DGKB: variants seen among roughly 807,000 people sequenced by gnomAD.
DGKB encodes the protein diacylglycerol kinase beta.
DGKB carries 67 observed loss-of-function variants against 114.3 expected under a neutral mutation model. The observed-to-expected ratio is 0.59, with a 90% CI of 0.48 to 0.72. The LOEUF is 0.72. Ranked by LOEUF, DGKB falls within the 30% of genes least tolerant of loss-of-function variation. The probability of loss-of-function intolerance (pLI) is 0.00; values close to 1 mark genes in which losing one functional copy is unlikely to be tolerated. For missense variants in DGKB, 907 were observed against 975.2 expected (o/e 0.93, Z 0.93); for synonymous variants, 398 against 323.1 (o/e 1.23, Z -2.49).
chr7:14,817,155 G>A (rs2128094453), intron 2 of DGKB, among the ~76,000 whole-genome samples: 1 of 152,074 alleles, frequency 6.6e-6, no homozygotes, highest in East Asian at 1.9e-4. Flanking sequence ...TCTTCCTCGG[G>A]GATCTTGACT....
At chr7:14,790,632 A>C (rs1840538762) in intron 2 of DGKB, among the ~76,000 whole-genome samples, 1 of 152,030 alleles carries the variant, frequency 6.6e-6, no homozygotes, top group African/African-American at 2.4e-5. Flanking sequence ...TTATGGGTTT[A>C]TTTTAGGGTT....
intron 21 of DGKB, among the ~76,000 whole-genome samples, chr7:14,376,798 T>TA (rs1818552501): frequency 6.6e-6 from 1 of 152,176 alleles, no homozygotes; most frequent in South Asian, 2.1e-4. Context: ...GGTGCCTAGA[T>TA]ATTTCCACAG....
At chr7:14,469,308 G>C (rs2128883672) in intron 21 of DGKB, among the ~76,000 whole-genome samples, 1 of 152,164 alleles carries the variant, frequency 6.6e-6, no homozygotes, top group Non-Finnish European at 1.5e-5. Flanking sequence ...AATGTTTGCA[G>C]ACAAAGGAAA....
At chr7:14,582,095 T>A (rs979496291) in intron 18 of DGKB, among the ~76,000 whole-genome samples, 4 of 152,322 alleles carry the variant, frequency 2.6e-5, no homozygotes, top group Non-Finnish European at 4.4e-5. Flanking sequence ...TAAATAGGTG[T>A]CTGTTTCAAT....
intron 1 of DGKB, among the ~76,000 whole-genome samples, chr7:14,926,537 G>A (rs1784763042): frequency 6.6e-6 from 1 of 150,406 alleles, no homozygotes. Context: ...GATCTGTGAA[G>A]AATAAGCTTC....
chr7:14,315,731 G>A (rs1278732772), intron 23 of DGKB, among the ~76,000 whole-genome samples: 1 of 151,004 alleles, frequency 6.6e-6, no homozygotes, highest in Non-Finnish European at 1.5e-5. Flanking sequence ...CAACGGGACA[G>A]AAAGTCAACA....
chr7:14,205,705 G>A (rs117695698), intron 23 of DGKB, among the ~76,000 whole-genome samples: 7 of 151,972 alleles, frequency 4.6e-5, no homozygotes, highest in Non-Finnish European at 8.8e-5. Flanking sequence ...TGCCCAGTGT[G>A]CTTCATTTCT....
intron 21 of DGKB, among the ~76,000 whole-genome samples, chr7:14,474,646 CCTTT>C (rs1223145016): frequency 1.3e-5 from 2 of 151,628 alleles, no homozygotes; most frequent in Non-Finnish European, 1.5e-5. Flanking sequence ...TTATTAATAT[CCTTT>C]TTTTCAAAAA....
chr7:14,203,865 G>A (rs1786316576), intron 23 of DGKB, among the ~76,000 whole-genome samples: 1 of 151,834 alleles, frequency 6.6e-6, no homozygotes, highest in South Asian at 2.1e-4. Flanking sequence ...GCAGATGTGG[G>A]GCAAAGAAAA....
chr7:14,929,192 A>G (rs1166058060), intron 1 of DGKB, among the ~76,000 whole-genome samples: 1 of 152,136 alleles, frequency 6.6e-6, no homozygotes, highest in Non-Finnish European at 1.5e-5. Context: ...TGTCATCAAC[A>G]TATGAGTGCA....
At chr7:14,376,440 A>G (rs1415601293) in intron 21 of DGKB, among the ~76,000 whole-genome samples, 3 of 152,208 alleles carry the variant, frequency 2.0e-5, no homozygotes, top group South Asian at 4.1e-4. Flanking sequence ...CACAAAAATA[A>G]CCTTACATCA....
chr7:14,896,979 G>C (rs1295492185), intron 1 of DGKB, among the ~76,000 whole-genome samples: 2 of 151,726 alleles, frequency 1.3e-5, no homozygotes. Context: ...ATAAAGCATG[G>C]CCCAGCTGCC....
chr7:14,563,934 A>G (rs1010208982), intron 20 of DGKB, among the ~76,000 whole-genome samples: 5 of 152,190 alleles, frequency 3.3e-5, no homozygotes, highest in African/African-American at 1.2e-4. Flanking sequence ...TGAAAAAGCT[A>G]TGGTTTCTGC....
chr7:14,826,985 T>C (rs1845787077), intron 2 of DGKB, among the ~76,000 whole-genome samples: 1 of 152,096 alleles, frequency 6.6e-6, no homozygotes, highest in African/African-American at 2.4e-5. Context: ...CCATGAATAA[T>C]GGCTAGCCCT....
intron 1 of DGKB, among the ~76,000 whole-genome samples, chr7:14,865,748 C>A (rs150326063): frequency 4.5e-4 from 68 of 152,200 alleles, no homozygotes; most frequent in Admixed American, 9.8e-4. Context: ...TGGGAGTCAT[C>A]ATGTGCATAG....
At chr7:14,473,198 A>G (rs1316334833) in intron 21 of DGKB, among the ~76,000 whole-genome samples, 2 of 152,170 alleles carry the variant, frequency 1.3e-5, no homozygotes, top group African/African-American at 4.8e-5. Context: ...AGCCAAGCCC[A>G]GGGTGCCCAT....
intron 25 of DGKB, among the ~76,000 whole-genome samples, chr7:14,166,681 A>G (rs1011224161): frequency 1.3e-5 from 2 of 152,208 alleles, no homozygotes; most frequent in African/African-American, 4.8e-5. Context: ...AGAAAATAAT[A>G]AAAGGCAAAT....
At chr7:14,487,583 C>CT (rs11433526) in intron 20 of DGKB, among the ~76,000 whole-genome samples, 48,998 of 125,866 alleles carry the variant, frequency 0.39, 10,123 homozygotes, top group South Asian at 0.44. Flanking sequence ...AAGAAAATTC[C>CT]TTTTTTTTTT....
At chr7:14,972,607 A>T (rs1276995197) in intron 1 of DGKB, among the ~76,000 whole-genome samples, 2 of 152,012 alleles carry the variant, frequency 1.3e-5, no homozygotes, top group South Asian at 2.1e-4. Flanking sequence ...ATCTGAATTC[A>T]ATTTCTTAAT....
Sources: allele counts gnomAD v4.1 joint callset (sites outside exome capture counted in the v4.1 genomes callset), GRCh38; gene constraint gnomAD v4.1.1; transcripts MANE v1.5; gene names NCBI Gene and HGNC (gene_info 2026-07-23, HGNC 2026-07-21).